BRSK2: variants seen among roughly 807,000 people sequenced by gnomAD.
BRSK2 encodes the protein serine/threonine-protein kinase BRSK2.
In BRSK2, 19 loss-of-function variants were observed where a neutral mutation model predicts 83.3. The observed-to-expected ratio is 0.23, with a 90% confidence interval of 0.16 to 0.33. The LOEUF is 0.33. Ranked by LOEUF, BRSK2 falls within the 10% of genes least tolerant of loss-of-function variation. BRSK2 has a pLI of 1.00. For synonymous variants in BRSK2, 519 were observed against 435.4 expected, an observed-to-expected ratio of 1.19 and a Z score of -2.39; for missense variants, 798 against 1,042.3, an observed-to-expected ratio of 0.77 and a Z score of 3.23.
At chr11:1,422,499 G>A (rs1225907392) in intron 1 of BRSK2, among the ~76,000 whole-genome samples, 1 of 152,148 alleles carries the variant, frequency 6.6e-6, no homozygotes, top group Non-Finnish European at 1.5e-5. Flanking sequence ...CTGTGGGGAC[G>A]GTGCAGAGGG....
intron 1 of BRSK2, among the ~76,000 whole-genome samples, chr11:1,427,575 CCGCCGGCACA>C (rs1456961653): frequency 1.3e-5 from 2 of 152,212 alleles, no homozygotes; most frequent in African/African-American, 2.4e-5. Context: ...TCTTGGGCAC[CCGCCGGCACA>C]CGCTCCCACA....
chr11:1,459,268 C>T (rs772755401), intron 19 of BRSK2, 29 bp downstream of exon 19: 9 of 1,611,268 alleles, frequency 5.6e-6, no homozygotes, highest in African/African-American at 4.0e-5. Flanking sequence ...CACCTGGCAC[C>T]TCCACCTGCC....
At chr11:1,420,501 A>G (rs1017592035) in intron 1 of BRSK2, among the ~76,000 whole-genome samples, 6 of 152,278 alleles carry the variant, frequency 3.9e-5, no homozygotes, top group Admixed American at 3.9e-4. Context: ...TTGAATGTTT[A>G]GAGGTTCCCC....
chr11:1,406,914 G>C (rs1194594493), intron 1 of BRSK2, among the ~76,000 whole-genome samples: 1 of 152,210 alleles, frequency 6.6e-6, no homozygotes. Flanking sequence ...GTGCGTGTGT[G>C]TGTGTGGTGC....
intron 15 of BRSK2, among the ~76,000 whole-genome samples, chr11:1,452,907 C>G (rs1244945495): frequency 6.6e-6 from 1 of 152,254 alleles, no homozygotes; most frequent in Non-Finnish European, 1.5e-5. Context: ...GCTGCCAGCC[C>G]CATGTCAACC....
intron 1 of BRSK2, among the ~76,000 whole-genome samples, chr11:1,412,646 G>A (rs559105066): frequency 6.6e-6 from 1 of 152,314 alleles, no homozygotes; most frequent in African/African-American, 2.4e-5. Context: ...GTGGTGGGAG[G>A]GGCCCAGCAG....
chr11:1,427,438 G>C (rs1367250231), intron 1 of BRSK2, among the ~76,000 whole-genome samples: 1 of 152,192 alleles, frequency 6.6e-6, no homozygotes, highest in Non-Finnish European at 1.5e-5. Context: ...GGGGGCACCC[G>C]TGTTAACGTG....
At chr11:1,418,279 G>A (rs1278535532) in intron 1 of BRSK2, among the ~76,000 whole-genome samples, 1 of 147,926 alleles carries the variant, frequency 6.8e-6, no homozygotes, top group Non-Finnish European at 1.5e-5. Flanking sequence ...TCTCTTGAGA[G>A]TGGGTCACCT....
chr11:1,434,873 T>C (rs1418431833), intron 1 of BRSK2, among the ~76,000 whole-genome samples: 5 of 152,050 alleles, frequency 3.3e-5, no homozygotes, highest in African/African-American at 1.2e-4. Context: ...TGTGGGCTCC[T>C]GGGGGCATCT....
At chr11:1,412,795 G>A (rs903978189) in intron 1 of BRSK2, among the ~76,000 whole-genome samples, 3 of 149,568 alleles carry the variant, frequency 2.0e-5, no homozygotes, top group South Asian at 2.1e-4. Context: ...GATCAACCCA[G>A]GCCCGTTGGA....
chr11:1,450,527 C>CT (rs1027020836), intron 13 of BRSK2, 60 bp from the exon 14 acceptor site: 170 of 803,110 alleles, frequency 2.1e-4, no homozygotes, highest in Non-Finnish European at 2.1e-4. Flanking sequence ...CCTGCGGGTG[C>CT]CCCCCCGGCC....
At chr11:1,396,427 G>A (rs1846123661) in intron 1 of BRSK2, among the ~76,000 whole-genome samples, 1 of 152,208 alleles carries the variant, frequency 6.6e-6, no homozygotes, top group Non-Finnish European at 1.5e-5. Context: ...CGAGTCTGCG[G>A]AGTGACCCCG....
Position 1,411,660 on chromosome 11 carries a change from A to G in BRSK2, c.91+21285A>G, listed in dbSNP as rs755804628. The G allele has an allele frequency of 5.9e-6, 9 of 1,533,572 alleles. No homozygotes were observed. In the Admixed American group the frequency reaches 1.8e-4, roughly 30 times the overall value. The allele number at this position is 1,533,572 out of a possible 1,614,324, so 95.0% of individuals were successfully genotyped here. ...TGCGTGCCACGCTCCCTGGCTGGCC[A>G]GGGCCCCTCGAGGGAGGAGTGTGTT... On this transcript the variant is annotated intron_variant, in intron 1 of 19. Transcript: ENST00000528841.
intron 12 of BRSK2, among the ~76,000 whole-genome samples, chr11:1,446,395 A>G (rs1311333568): frequency 6.2e-5 from 8 of 129,724 alleles, no homozygotes; most frequent in Non-Finnish European, 1.3e-4. Flanking sequence ...GGGCTGGGCT[A>G]AACTGGATTT....
At chr11:1,402,832 C>G (rs61867619) in intron 1 of BRSK2, among the ~76,000 whole-genome samples, 24,128 of 152,140 alleles carry the variant, frequency 0.16, 2,341 homozygotes, top group Non-Finnish European at 0.2. Context: ...GAGGCGGGAG[C>G]GGCGCTGAGC....
chr11:1,456,183 C>T (rs1210631847), intron 16 of BRSK2, among the ~76,000 whole-genome samples, 165 bp from the exon 17 acceptor site: 1 of 152,230 alleles, frequency 6.6e-6, no homozygotes, highest in East Asian at 1.9e-4. Context: ...GCCCCTCCCC[C>T]TGCTCCAGCC....
intron 18 of BRSK2, among the ~76,000 whole-genome samples, chr11:1,457,617 G>C (rs1316158014): frequency 6.6e-6 from 1 of 152,116 alleles, no homozygotes; most frequent in Non-Finnish European, 1.5e-5. Flanking sequence ...GGGGGCGCTG[G>C]GCGTCGTGGG....
chr11:1,439,621 G>A (rs948051356), intron 3 of BRSK2, among the ~76,000 whole-genome samples: 2 of 152,050 alleles, frequency 1.3e-5, no homozygotes, highest in African/African-American at 4.8e-5. Context: ...CCGGGCTCGC[G>A]GCTTCTCCCG....
intron 1 of BRSK2, among the ~76,000 whole-genome samples, chr11:1,396,005 G>T (rs1846060197): frequency 6.6e-6 from 1 of 152,182 alleles, no homozygotes; most frequent in African/African-American, 2.4e-5. Flanking sequence ...GGCCCAGCTG[G>T]AGCTACTATC....
Sources: gnomAD v4.1 joint callset for allele counts (sites outside exome capture counted in the v4.1 genomes callset) on GRCh38, gnomAD v4.1.1 for gene constraint, MANE v1.5 for transcripts, NCBI Gene and HGNC (gene_info 2026-07-23, HGNC 2026-07-21) for gene names.